DLGAP4: variants seen among roughly 807,000 people sequenced by gnomAD.
The protein encoded by DLGAP4 is DLG associated protein 4, also known as disks large-associated protein 4.
DLGAP4 carries 18 observed loss-of-function variants against 86.9 expected under a neutral mutation model. The observed-to-expected ratio is 0.21, with a 90% CI of 0.14 to 0.31. The LOEUF (loss-of-function observed/expected upper bound fraction) is 0.31, where lower values mean the gene tolerates loss of function less well. Among genes scored for constraint, DLGAP4 ranks in the 10% least tolerant of loss-of-function variants. DLGAP4 has a pLI of 1.00. For missense variants in DLGAP4, 1,085 were observed against 1,362.6 expected, an observed-to-expected ratio of 0.80 and a Z score of 3.21; for synonymous variants, 548 against 574.3, an observed-to-expected ratio of 0.95 and a Z score of 0.65.
intron 2 of DLGAP4, among the ~76,000 whole-genome samples, chr20:36,410,886 A>G (rs1271860728): frequency 2.6e-5 from 4 of 152,320 alleles, no homozygotes; most frequent in East Asian, 1.9e-4. Context: ...TGGGTGCCAC[A>G]GCGAGGTTGT....
intron 1 of DLGAP4, among the ~76,000 whole-genome samples, chr20:36,361,045 A>G (rs1428818049): frequency 6.6e-6 from 1 of 151,872 alleles, no homozygotes; most frequent in Admixed American, 6.6e-5. Context: ...GGAGCTGGGC[A>G]TGGGGTGAGA....
chr20:36,494,984 G>GTTTTTTTTTTT (rs752411826), intron 7 of DLGAP4, among the ~76,000 whole-genome samples: 6 of 75,402 alleles, frequency 8.0e-5, no homozygotes, highest in South Asian at 5.3e-4. Flanking sequence ...TTTTTGTTCG[G>GTTTTTTTTTTT]TTTTTTTTTT....
In DLGAP4 at chr20:36,443,964, T is replaced by C. The variant is rs909960075; in HGVS notation, c.1407+1187T>C. Among the ~76,000 whole-genome samples, 3 of 152,186 alleles carry C rather than the reference T, an allele frequency of 2.0e-5. No individual in the cohort carries two copies. In the South Asian group the frequency reaches 6.2e-4, roughly 32 times the overall value. The stretch of plus-strand genomic sequence containing the variant: ...TGAGGCACAAAGCAATTAAGTGACT[T>C]GCCCACGTTCACATTGTGAGGAAAC... On this transcript the variant is annotated intron_variant, in intron 6 of 12. Coordinates refer to ENST00000339266, the MANE Select transcript of DLGAP4 (RefSeq NM_001365621.2).
chr20:36,497,358 CT>C, intron 8 of DLGAP4: 1 of 1,266,862 alleles, frequency 7.9e-7, no homozygotes, highest in Non-Finnish European at 1.0e-6. Flanking sequence ...CACTGTTTGC[CT>C]GTCCACTGTC....
chr20:36,494,074 CCTT>C (rs1414809049), intron 7 of DLGAP4, among the ~76,000 whole-genome samples: 1 of 152,322 alleles, frequency 6.6e-6, no homozygotes, highest in East Asian at 1.9e-4. Flanking sequence ...AGGTAGCTGT[CCTT>C]CTGCCTGTAC....
intron 12 of DLGAP4, 81 bp downstream of exon 12, chr20:36,526,087 G>A: frequency 6.3e-7 from 1 of 1,596,320 alleles, no homozygotes; most frequent in Non-Finnish European, 8.6e-7. Context: ...GGTCAGTGCT[G>A]CTTGGCTCCC....
At chr20:36,470,239 C>T (rs1339300666) in intron 7 of DLGAP4, among the ~76,000 whole-genome samples, 1 of 152,176 alleles carries the variant, frequency 6.6e-6, no homozygotes, top group East Asian at 1.9e-4. Context: ...AAGCCTTCTT[C>T]AAATCCTTCC....
intron 2 of DLGAP4, among the ~76,000 whole-genome samples, chr20:36,415,312 G>A (rs935539196): frequency 2.6e-5 from 4 of 151,822 alleles, no homozygotes; most frequent in East Asian, 2.0e-4. Context: ...AAACGAAAAC[G>A]TCCAGAGAGC....
intron 7 of DLGAP4, among the ~76,000 whole-genome samples, chr20:36,467,351 G>A (rs979511291): frequency 6.6e-6 from 1 of 152,202 alleles, no homozygotes; most frequent in African/African-American, 2.4e-5. Context: ...GGAGGTGGGT[G>A]CAGAGGGCAT....
intron 1 of DLGAP4, among the ~76,000 whole-genome samples, chr20:36,359,482 C>T (rs1222623463): frequency 1.3e-5 from 2 of 152,156 alleles, no homozygotes; most frequent in African/African-American, 2.4e-5. Flanking sequence ...CTGATCCTTC[C>T]GCAGGGGCTT....
chr20:36,478,888 G>A (rs1208284301), intron 7 of DLGAP4, among the ~76,000 whole-genome samples: 1 of 152,178 alleles, frequency 6.6e-6, no homozygotes, highest in East Asian at 1.9e-4. Flanking sequence ...GGGATCAAAT[G>A]TAAGATGCAG....
At chr20:36,414,612 C>A (rs2032600502) in intron 2 of DLGAP4, among the ~76,000 whole-genome samples, 1 of 152,190 alleles carries the variant, frequency 6.6e-6, no homozygotes, top group African/African-American at 2.4e-5. Flanking sequence ...TGCTTGAGCC[C>A]AGTTAGCAAA....
At chr20:36,491,229 C>T (rs2147745485) in intron 7 of DLGAP4, among the ~76,000 whole-genome samples, 1 of 151,680 alleles carries the variant, frequency 6.6e-6, no homozygotes, top group East Asian at 1.9e-4. Context: ...TCATTCTGAC[C>T]TGATAAATAC....
intron 2 of DLGAP4, among the ~76,000 whole-genome samples, chr20:36,410,033 CAAA>C (rs11475768): frequency 1.1e-4 from 10 of 94,712 alleles, no homozygotes; most frequent in Non-Finnish European, 4.5e-5. Flanking sequence ...GACTCCGTCT[CAAA>C]AAAAAAAAAA....
chr20:36,370,854 G>A (rs779253879), intron 2 of DLGAP4, among the ~76,000 whole-genome samples: 2 of 152,104 alleles, frequency 1.3e-5, no homozygotes, highest in Non-Finnish European at 2.9e-5. Flanking sequence ...ATTTTTAAAG[G>A]TAAAAAACGC....
At chr20:36,413,674 C>G (rs2032572427) in intron 2 of DLGAP4, among the ~76,000 whole-genome samples, 1 of 151,844 alleles carries the variant, frequency 6.6e-6, no homozygotes, top group South Asian at 2.1e-4. Context: ...CCTCCTCGAT[C>G]TCCCAAAATG....
At chr20:36,317,710 C>T (rs1008912198) in intron 1 of DLGAP4, among the ~76,000 whole-genome samples, 31 of 152,166 alleles carry the variant, frequency 2.0e-4, no homozygotes, top group African/African-American at 7.0e-4. Context: ...TTCTCTCCAG[C>T]CTCCCCAGTT....
chr20:36,465,607 T>C (rs968488112), intron 7 of DLGAP4, among the ~76,000 whole-genome samples: 12 of 152,116 alleles, frequency 7.9e-5, no homozygotes, highest in African/African-American at 2.9e-4. Flanking sequence ...ATCTTGAATT[T>C]AAAAGGAGGC....
chr20:36,396,340 CA>C (rs111474391), intron 2 of DLGAP4, among the ~76,000 whole-genome samples: 1 of 400 alleles, frequency 2.5e-3, no homozygotes, highest in Non-Finnish European at 5.8e-3. Flanking sequence ...CACACACGCA[CA>C]CACACACACA....
Sources: gnomAD v4.1 joint callset for allele counts (sites outside exome capture counted in the v4.1 genomes callset) on GRCh38, gnomAD v4.1.1 for gene constraint, MANE v1.5 for transcripts, NCBI Gene and HGNC (gene_info 2026-07-23, HGNC 2026-07-21) for gene names.